Variants in HS2ST1 observed in about 807,000 individuals in gnomAD.
HS2ST1 encodes the protein 2-O-sulfotransferase.
A neutral mutation model predicts 42.9 loss-of-function variants in HS2ST1; 18 were observed. The observed-to-expected ratio is 0.42, with a 90% CI of 0.29 to 0.62. HS2ST1 has a LOEUF of 0.62. Among genes scored for constraint, HS2ST1 ranks in the 20% least tolerant of loss-of-function variants. HS2ST1 has a pLI of 0.21. For synonymous variants in HS2ST1, 146 were observed against 152.9 expected, an observed-to-expected ratio of 0.95 and a Z score of 0.33; for missense variants, 334 against 433.8, an observed-to-expected ratio of 0.77 and a Z score of 2.04.
chr1:87,098,077 T>A (rs1652112656), intron 5 of HS2ST1, 142 bp downstream of exon 5: 10 of 1,441,912 alleles, frequency 6.9e-6, no homozygotes, highest in Non-Finnish European at 7.3e-6. Flanking sequence ...TATCTAGTTT[T>A]GCAGTTACTT....
chr1:87,098,429 A>G, intron 5 of HS2ST1: 1 of 660,520 alleles, frequency 1.5e-6, no homozygotes, highest in African/African-American at 2.0e-5. Context: ...TTTAATAAGA[A>G]CTGTATTTCC....
intron 5 of HS2ST1, among the ~76,000 whole-genome samples, chr1:87,099,087 G>GT (rs1652139269): frequency 6.6e-6 from 1 of 152,094 alleles, no homozygotes; most frequent in Non-Finnish European, 1.5e-5. Flanking sequence ...TGTGTCACCT[G>GT]TTTTATAAAT....
At chr1:86,983,777 T>A in intron 1 of HS2ST1, among the ~76,000 whole-genome samples, 1 of 151,328 alleles carries the variant, frequency 6.6e-6, no homozygotes, top group Non-Finnish European at 1.5e-5. Flanking sequence ...GCACGGTGGC[T>A]CACGCCTGTA....
intron 1 of HS2ST1, among the ~76,000 whole-genome samples, chr1:86,970,475 A>C (rs1365932515): frequency 6.6e-6 from 1 of 152,248 alleles, no homozygotes. Flanking sequence ...ATCTCAGATC[A>C]CTGCAGCCTC....
chr1:86,964,328 C>T lies in HS2ST1; in HGVS notation c.124+49168C>T, dbSNP rs564482324. Reference sequence around the variant, plus strand: ...TTGTAGCTAGCCGAGATCACGCCACCGCACTCCAGCCTGGGCAACATTGAG... The same window carrying T: ...TTGTAGCTAGCCGAGATCACGCCACTGCACTCCAGCCTGGGCAACATTGAG... On this transcript the variant is annotated intron_variant, in intron 1 of 6. Coordinates refer to ENST00000370550, the MANE Select transcript of HS2ST1 (RefSeq NM_012262.4). Among the ~76,000 whole-genome samples, 453 of 152,326 alleles carry T rather than the reference C, an allele frequency of 3.0e-3. 4 individuals are homozygous for T. Among genetic ancestry groups the T allele is most frequent in the African/African-American group, 9.5e-3 (394 of 41,568 alleles).
chr1:86,955,034 G>A (rs530592777), intron 1 of HS2ST1, among the ~76,000 whole-genome samples: 2 of 152,108 alleles, frequency 1.3e-5, no homozygotes, highest in Non-Finnish European at 2.9e-5. Flanking sequence ...GGAGATCGAG[G>A]CTGCAGTGAG....
At chr1:87,058,936 G>A (rs1042431768) in intron 1 of HS2ST1, among the ~76,000 whole-genome samples, 1 of 151,956 alleles carries the variant, frequency 6.6e-6, no homozygotes, top group African/African-American at 2.4e-5. Flanking sequence ...GCAGGTGCCT[G>A]TAGTCCCAGC....
intron 3 of HS2ST1, among the ~76,000 whole-genome samples, chr1:87,088,065 C>A (rs190323617): frequency 1.3e-5 from 2 of 152,048 alleles, no homozygotes; most frequent in Non-Finnish European, 2.9e-5. Context: ...CTGTGCCTCA[C>A]GCAGAGCAGT....
intron 1 of HS2ST1, among the ~76,000 whole-genome samples, chr1:86,972,331 A>G (rs1332795913): frequency 2.0e-5 from 3 of 152,086 alleles, no homozygotes; most frequent in South Asian, 2.1e-4. Context: ...TTGTATTACA[A>G]TGTTATTATA....
At chr1:87,103,024 C>G (rs889777369) in intron 5 of HS2ST1, among the ~76,000 whole-genome samples, 2 of 152,130 alleles carry the variant, frequency 1.3e-5, no homozygotes, top group African/African-American at 4.8e-5. Flanking sequence ...TCACAAAAAC[C>G]CGAAACTCAC....
At chr1:87,081,206 A>G (rs1651678363) in intron 2 of HS2ST1, among the ~76,000 whole-genome samples, 1 of 152,192 alleles carries the variant, frequency 6.6e-6, no homozygotes, top group African/African-American at 2.4e-5. Context: ...CTTACACCAA[A>G]TGGACCTAAT....
chr1:86,945,284 T>G (rs753135906), intron 1 of HS2ST1, among the ~76,000 whole-genome samples: 3 of 152,158 alleles, frequency 2.0e-5, no homozygotes, highest in African/African-American at 7.2e-5. Context: ...TATTGGGATA[T>G]AGTAGGGGAT....
At chr1:87,071,618 A>T (rs1651406703) in intron 1 of HS2ST1, among the ~76,000 whole-genome samples, 1 of 151,650 alleles carries the variant, frequency 6.6e-6, no homozygotes. Context: ...AATCCCAGCT[A>T]CTCAGTAGGC....
chr1:87,039,325 G>C (rs766862661), intron 1 of HS2ST1, among the ~76,000 whole-genome samples: 1 of 152,180 alleles, frequency 6.6e-6, no homozygotes, highest in Non-Finnish European at 1.5e-5. Context: ...ACTAAGAACC[G>C]GTCAGGGCGC....
chr1:86,955,868 C>G (rs1647663723), intron 1 of HS2ST1, among the ~76,000 whole-genome samples: 1 of 151,760 alleles, frequency 6.6e-6, no homozygotes, highest in Non-Finnish European at 1.5e-5. Context: ...ACGCCTGTGG[C>G]CCCAGCAACT....
chr1:86,971,317 A>AC (rs1036853587), intron 1 of HS2ST1, among the ~76,000 whole-genome samples: 4 of 152,062 alleles, frequency 2.6e-5, no homozygotes, highest in Middle Eastern at 3.2e-3. Context: ...ACAAAACAAA[A>AC]AAAAACCTTG....
intron 4 of HS2ST1, among the ~76,000 whole-genome samples, chr1:87,093,260 C>T (rs910672816): frequency 3.3e-5 from 5 of 152,072 alleles, no homozygotes; most frequent in South Asian, 2.1e-4. Flanking sequence ...CAACTGGACA[C>T]GATCTCAGAC....
At chr1:86,948,196 C>G (rs1647393394) in intron 1 of HS2ST1, among the ~76,000 whole-genome samples, 1 of 151,854 alleles carries the variant, frequency 6.6e-6, no homozygotes, top group South Asian at 2.1e-4. Context: ...CACTATATAT[C>G]TTTTAGGTTT....
At chr1:87,069,193 A>T (rs1460321849) in intron 1 of HS2ST1, among the ~76,000 whole-genome samples, 1 of 152,208 alleles carries the variant, frequency 6.6e-6, no homozygotes, top group African/African-American at 2.4e-5. Context: ...TGTAAATTTT[A>T]TTGAAAAAGA....
Sources: gnomAD v4.1 joint callset for allele counts (sites outside exome capture counted in the v4.1 genomes callset) on GRCh38, gnomAD v4.1.1 for gene constraint, MANE v1.5 for transcripts, NCBI Gene and HGNC (gene_info 2026-07-23, HGNC 2026-07-21) for gene names.